NRG3: variants seen among roughly 807,000 people sequenced by gnomAD.
NRG3 encodes pro-neuregulin-3, membrane-bound isoform.
In NRG3, 31 loss-of-function variants were observed where a neutral mutation model predicts 66.9. The ratio of observed to expected loss-of-function variants is 0.46; its 90% CI spans 0.35 to 0.63. The LOEUF (loss-of-function observed/expected upper bound fraction) is 0.63, where lower values mean the gene tolerates loss of function less well. NRG3 is among the 20% of genes least tolerant of loss of function. The pLI is 0.00. For synonymous variants in NRG3, 393 were observed against 359.4 expected (o/e 1.09, Z -1.06); for missense variants, 910 against 878.9 (o/e 1.04, Z -0.45).
intron 1 of NRG3, among the ~76,000 whole-genome samples, chr10:81,907,922 G>T (rs1844747720): frequency 6.6e-6 from 1 of 152,136 alleles, no homozygotes; most frequent in African/African-American, 2.4e-5. Context: ...ACAATGAGGT[G>T]ACTCTCAAAG....
intron 1 of NRG3, among the ~76,000 whole-genome samples, chr10:82,244,718 A>G (rs2077157226): frequency 6.6e-6 from 1 of 151,998 alleles, no homozygotes; most frequent in Admixed American, 6.6e-5. Flanking sequence ...GGATAACTCA[A>G]GTGCATTACA....
chr10:82,954,493 AC>A (rs1849839641), intron 5 of NRG3, among the ~76,000 whole-genome samples: 1 of 151,894 alleles, frequency 6.6e-6, no homozygotes, highest in African/African-American at 2.4e-5. Context: ...AAGCTAGAGC[AC>A]CAAGCGGGAC....
chr10:82,290,775 A>G (rs1263048153), intron 1 of NRG3, among the ~76,000 whole-genome samples: 2 of 150,466 alleles, frequency 1.3e-5, no homozygotes, highest in South Asian at 2.1e-4. Flanking sequence ...CTGGGACTAC[A>G]GGCATCCACC....
At chr10:82,489,156 A>T (rs529793355) in intron 2 of NRG3, among the ~76,000 whole-genome samples, 1 of 152,334 alleles carries the variant, frequency 6.6e-6, no homozygotes, top group East Asian at 1.9e-4. Flanking sequence ...AAATTCACCA[A>T]CTAGTGTGAT....
At chr10:82,256,652 TTC>T (rs1319484055) in intron 1 of NRG3, among the ~76,000 whole-genome samples, 7 of 152,226 alleles carry the variant, frequency 4.6e-5, no homozygotes, top group African/African-American at 1.7e-4. Context: ...ATTTTCCTAA[TTC>T]TCTTCTGAAA....
In NRG3 at chr10:82,974,044, G is replaced by A. The variant is rs890364496; in HGVS notation, c.1412+129G>A. 10 of 1,023,480 alleles carry A rather than the reference G, an allele frequency of 9.8e-6. No homozygotes were observed. The African/African-American group carries it at 1.3e-4, about 13-fold the overall frequency. 63.4% of individuals were successfully genotyped at this position (1,023,480 alleles called of 1,614,324 possible). Reference sequence around the variant, plus strand: ...CTTGCTTCTCCTGTAGTTCTCTGTGGAGTAAATGCTCAAACACCTCACATC... The same window carrying A: ...CTTGCTTCTCCTGTAGTTCTCTGTGAAGTAAATGCTCAAACACCTCACATC... On this transcript the variant is annotated intron_variant, in intron 7 of 8. Coordinates refer to ENST00000372141, the MANE Select transcript of NRG3 (RefSeq NM_001010848.4).
At chr10:82,538,688 A>T (rs942804908) in intron 2 of NRG3, among the ~76,000 whole-genome samples, 6 of 151,596 alleles carry the variant, frequency 4.0e-5, no homozygotes, top group African/African-American at 1.5e-4. Context: ...GAATCTCCAC[A>T]TTTTTTTTCA....
intron 1 of NRG3, among the ~76,000 whole-genome samples, chr10:82,109,799 AGT>A (rs1322477895): frequency 6.6e-6 from 1 of 152,170 alleles, no homozygotes; most frequent in Non-Finnish European, 1.5e-5. Flanking sequence ...CTTCAAATTC[AGT>A]ACTAGTATCC....
At chr10:82,658,545 C>A (rs2052052906) in intron 2 of NRG3, among the ~76,000 whole-genome samples, 1 of 134,794 alleles carries the variant, frequency 7.4e-6, no homozygotes, top group Non-Finnish European at 1.7e-5. Flanking sequence ...AATTATTATG[C>A]AAAGTAAAAA....
chr10:82,315,689 G>A (rs1304628250), intron 1 of NRG3, among the ~76,000 whole-genome samples: 3 of 144,490 alleles, frequency 2.1e-5, no homozygotes, highest in East Asian at 2.1e-4. Context: ...TTTTTGAGAC[G>A]GAGTCTCACT....
intron 2 of NRG3, among the ~76,000 whole-genome samples, chr10:82,530,144 GA>G (rs761121348): frequency 1.1e-3 from 168 of 152,148 alleles, no homozygotes; most frequent in Non-Finnish European, 1.8e-3. Flanking sequence ...AGTTCAAAAT[GA>G]ATATTAAAGA....
intron 1 of NRG3, among the ~76,000 whole-genome samples, chr10:81,882,121 C>G (rs116783736): frequency 6.6e-6 from 1 of 152,156 alleles, no homozygotes; most frequent in Non-Finnish European, 1.5e-5. Flanking sequence ...GAACAACTGA[C>G]GTAAACAAAT....
At chr10:82,542,017 T>C (rs905262415) in intron 2 of NRG3, among the ~76,000 whole-genome samples, 1 of 152,210 alleles carries the variant, frequency 6.6e-6, no homozygotes, top group African/African-American at 2.4e-5. Context: ...CAACCCGTCA[T>C]CTAGCTTTTA....
intron 2 of NRG3, among the ~76,000 whole-genome samples, chr10:82,582,343 C>T (rs1037982226): frequency 1.3e-5 from 2 of 151,890 alleles, no homozygotes; most frequent in African/African-American, 4.8e-5. Context: ...CAGAATATAC[C>T]ACATGTAAAC....
At chr10:82,220,163 A>T (rs2075869311) in intron 1 of NRG3, among the ~76,000 whole-genome samples, 1 of 148,640 alleles carries the variant, frequency 6.7e-6, no homozygotes, top group Non-Finnish European at 1.5e-5. Context: ...ATGATTCTTC[A>T]ATCATGTGGG....
chr10:82,623,315 T>G (rs889466378), intron 2 of NRG3, among the ~76,000 whole-genome samples: 1 of 152,196 alleles, frequency 6.6e-6, no homozygotes, highest in African/African-American at 2.4e-5. Flanking sequence ...TGCTTCTCCA[T>G]CAAGTCATAA....
chr10:82,719,852 T>A (rs2057191768), intron 2 of NRG3, among the ~76,000 whole-genome samples: 1 of 152,216 alleles, frequency 6.6e-6, no homozygotes, highest in Non-Finnish European at 1.5e-5. Flanking sequence ...TTCTGTTTTC[T>A]GGGTATACCA....
intron 1 of NRG3, among the ~76,000 whole-genome samples, chr10:81,891,345 T>G (rs1337674242): frequency 6.6e-6 from 1 of 152,172 alleles, no homozygotes; most frequent in African/African-American, 2.4e-5. Context: ...CTCTGTAAGG[T>G]TTGGCATGGA....
chr10:82,187,433 G>A (rs2073872006), intron 1 of NRG3, among the ~76,000 whole-genome samples: 2 of 152,116 alleles, frequency 1.3e-5, no homozygotes, highest in South Asian at 4.1e-4. Context: ...AGAAACACAT[G>A]CAAAGATATT....
Sources: gnomAD v4.1 joint callset for allele counts (sites outside exome capture counted in the v4.1 genomes callset) on GRCh38, gnomAD v4.1.1 for gene constraint, MANE v1.5 for transcripts, NCBI Gene and HGNC (gene_info 2026-07-23, HGNC 2026-07-21) for gene names.